The following STAG2 variants were observed in gnomAD, a reference collection of about 807,000 sequenced individuals.
The protein encoded by STAG2 is cohesin subunit SA-2.
A neutral mutation model predicts 108.1 loss-of-function variants in STAG2; 14 were observed. The observed-to-expected ratio is 0.13, with a 90% CI of 0.09 to 0.20. STAG2 has a LOEUF of 0.20. Among genes scored for constraint, STAG2 ranks in the 10% least tolerant of loss-of-function variants. The probability of loss-of-function intolerance (pLI) is 1.00; values close to 1 mark genes in which losing one functional copy is unlikely to be tolerated. For synonymous variants in STAG2, 307 were observed against 302.7 expected (o/e 1.01, Z -0.15); for missense variants, 440 against 940.9 (o/e 0.47, Z 6.96).
rs922011834 is a variant in STAG2, at chrX:124,068,274, A to T, written c.2266-290A>T. Among the ~76,000 whole-genome samples, 3 of 111,350 alleles carry T rather than the reference A, an allele frequency of 2.7e-5. No individual in the cohort carries two copies. In the East Asian group the frequency reaches 8.4e-4, roughly 31 times the overall value. ...TTCTGTGCTAGTGGCTTTATTAAAG[A>T]TTGCCATATCAATTATATAAGTCTT... On this transcript the variant is annotated intron_variant, in intron 23 of 34. Coordinates refer to ENST00000371145, the MANE Select transcript of STAG2 (RefSeq NM_001042750.2).
rs201656151 is a variant in STAG2, at chrX:123,974,236, C to CTT, written c.-163+12393_-163+12394dup. On this transcript the variant is annotated intron_variant, in intron 1 of 34. Transcript: ENST00000371145. Reference sequence around the variant, plus strand: ...ATGATCATCTTTTCTTTTCTTTTTTCTTTTTTTTTTTTTTGAGACGGAGCC... The same window carrying CTT: ...ATGATCATCTTTTCTTTTCTTTTTTCTTTTTTTTTTTTTTTTGAGACGGAGCC... Among the ~76,000 whole-genome samples the CTT allele has an allele frequency of 1.3e-3, 130 of 98,729 alleles. 1 individual carries two copies. Among genetic ancestry groups the CTT allele is most frequent in the East Asian group, 3.5e-3 (11 of 3,150 alleles). The allele number at this position is 98,729 out of a possible 115,157, so 85.7% of individuals were successfully genotyped here.
chrX:123,971,163 C>T (rs1469254109), intron 1 of STAG2, among the ~76,000 whole-genome samples: 4 of 112,431 alleles, frequency 3.6e-5, no homozygotes, highest in Non-Finnish European at 7.5e-5. Flanking sequence ...GGCGCGGTGG[C>T]TCATGCCTGT....
chrX:124,034,781 T>A (rs1014557012), intron 5 of STAG2, among the ~76,000 whole-genome samples: 2 of 111,592 alleles, frequency 1.8e-5, no homozygotes, highest in African/African-American at 6.5e-5. Context: ...ACTTTGACTC[T>A]AGATTGCTAA....
At chrX:124,081,097 T>C (rs56287521) in intron 27 of STAG2, among the ~76,000 whole-genome samples, 8 of 109,345 alleles carry the variant, frequency 7.3e-5, no homozygotes, top group African/African-American at 2.3e-4. Flanking sequence ...GGGTTTTTTT[T>C]CCCCTTTATA....
intron 1 of STAG2, among the ~76,000 whole-genome samples, chrX:124,009,430 G>GATA (rs1569501838): frequency 0.011 from 989 of 88,266 alleles, 8 homozygotes; most frequent in East Asian, 0.021. Context: ...TAGGTAGGTA[G>GATA]GTAGGTAGGT....
intron 27 of STAG2, among the ~76,000 whole-genome samples, chrX:124,081,133 A>G (rs1251433525): frequency 3.6e-5 from 4 of 111,251 alleles, no homozygotes; most frequent in Admixed American, 1.9e-4. Flanking sequence ...TTAATATCCA[A>G]TTAATACCAG....
At chrX:123,990,039 G>A (rs934473233) in intron 1 of STAG2, among the ~76,000 whole-genome samples, 9 of 111,817 alleles carry the variant, frequency 8.0e-5, no homozygotes, top group African/African-American at 2.6e-4. Flanking sequence ...CATTTTGAAC[G>A]AAGAATTGGA....
chrX:124,018,490 A>ACGGG (rs2056810467), intron 1 of STAG2, among the ~76,000 whole-genome samples: 2 of 110,140 alleles, frequency 1.8e-5, no homozygotes, highest in Non-Finnish European at 3.8e-5. Flanking sequence ...GGATGGACAG[A>ACGGG]CGGACGGATG....
intron 1 of STAG2, among the ~76,000 whole-genome samples, chrX:123,973,825 CAA>C (rs1446342224): frequency 9.7e-6 from 1 of 102,819 alleles, no homozygotes; most frequent in African/African-American, 3.6e-5. Flanking sequence ...GCCTGGACAA[CAA>C]GAGTGAAACT....
At chrX:124,095,317 T>C in intron 33 of STAG2, 55 bp from the exon 34 acceptor site, 2 of 961,527 alleles carry the variant, frequency 2.1e-6, no homozygotes, top group Non-Finnish European at 3.0e-6. Flanking sequence ...TCAGTTACTA[T>C]CTGGTTTGTA....
intron 25 of STAG2, among the ~76,000 whole-genome samples, chrX:124,072,448 C>T (rs771471795): frequency 9.0e-6 from 1 of 111,365 alleles, no homozygotes; most frequent in South Asian, 3.8e-4. Context: ...AAATGAGAAA[C>T]CCAGAGTAGC....
chrX:124,001,921 A>G (rs2056062228), intron 1 of STAG2, among the ~76,000 whole-genome samples: 1 of 112,008 alleles, frequency 8.9e-6, no homozygotes, highest in Non-Finnish European at 1.9e-5. Flanking sequence ...CCTTGCAACC[A>G]TCCACAACAA....
intron 1 of STAG2, among the ~76,000 whole-genome samples, chrX:123,983,978 T>TC (rs1282173597): frequency 7.4e-4 from 48 of 64,745 alleles, no homozygotes; most frequent in Middle Eastern, 9.0e-3. Flanking sequence ...TCTTTTCTTT[T>TC]TTTTTTTTTT....
intron 25 of STAG2, among the ~76,000 whole-genome samples, chrX:124,071,842 T>C (rs1024844308): frequency 9.0e-6 from 1 of 110,976 alleles, no homozygotes; most frequent in African/African-American, 3.3e-5. Context: ...TGGGGCAGTA[T>C]ATAATGTTTA....
chrX:124,009,457 A>AGATAGATG (rs1318860844), intron 1 of STAG2, among the ~76,000 whole-genome samples: 1 of 109,758 alleles, frequency 9.1e-6, no homozygotes, highest in African/African-American at 3.3e-5. Flanking sequence ...ATAGATAGAT[A>AGATAGATG]GATAGATAGA....
At chrX:123,966,014 TA>T (rs904931230) in intron 1 of STAG2, among the ~76,000 whole-genome samples, 8 of 110,557 alleles carry the variant, frequency 7.2e-5, no homozygotes, top group African/African-American at 2.6e-4. Context: ...AAATTAAAAA[TA>T]AACTAAAATG....
intron 15 of STAG2, among the ~76,000 whole-genome samples, chrX:124,060,564 T>C (rs769837539): frequency 8.9e-6 from 1 of 112,598 alleles, no homozygotes; most frequent in South Asian, 3.6e-4. Context: ...TACCTAAGAA[T>C]TGAGAGTAGC....
intron 1 of STAG2, among the ~76,000 whole-genome samples, chrX:124,020,136 G>A (rs946298124): frequency 3.6e-5 from 4 of 112,318 alleles, no homozygotes; most frequent in Admixed American, 9.4e-5. Flanking sequence ...AATTAATTTT[G>A]TGCTATTTAG....
chrX:123,999,904 C>T (rs773542849), intron 1 of STAG2, among the ~76,000 whole-genome samples: 10 of 109,170 alleles, frequency 9.2e-5, no homozygotes, highest in Non-Finnish European at 1.5e-4. Context: ...GTGAGCCACC[C>T]TGCCCGGCCA....
Sources: gnomAD v4.1 joint callset for allele counts (sites outside exome capture counted in the v4.1 genomes callset) on GRCh38, gnomAD v4.1.1 for gene constraint, MANE v1.5 for transcripts, NCBI Gene and HGNC (gene_info 2026-07-23, HGNC 2026-07-21) for gene names.